The following SEMA5A variants were observed in gnomAD, a reference collection of about 807,000 sequenced individuals.
SEMA5A encodes the protein semaphorin-5A.
SEMA5A carries 55 observed loss-of-function variants against 135.5 expected under a neutral mutation model. The ratio of observed to expected loss-of-function variants is 0.41; its 90% CI spans 0.33 to 0.51. The LOEUF (loss-of-function observed/expected upper bound fraction) is 0.51. Among genes scored for constraint, SEMA5A ranks in the 20% least tolerant of loss-of-function variants. SEMA5A has a pLI of 0.37. For synonymous variants in SEMA5A, 580 were observed against 546.5 expected (o/e 1.06, Z -0.85); for missense variants, 1,290 against 1,419.9 (o/e 0.91, Z 1.47).
intron 1 of SEMA5A, among the ~76,000 whole-genome samples, chr5:9,484,593 G>A (rs1760005517): frequency 6.6e-6 from 1 of 152,188 alleles, no homozygotes; most frequent in Non-Finnish European, 1.5e-5. Flanking sequence ...CGATTGAAGT[G>A]TTGCTAATCA....
chr5:9,235,686 T>C (rs1047638667), intron 6 of SEMA5A, among the ~76,000 whole-genome samples: 1 of 150,204 alleles, frequency 6.7e-6, no homozygotes, highest in African/African-American at 2.4e-5. Flanking sequence ...GCATCAACAA[T>C]ATCTGCTGCT....
chr5:9,164,231 T>C (rs1420602863), intron 11 of SEMA5A, among the ~76,000 whole-genome samples: 1 of 143,738 alleles, frequency 7.0e-6, no homozygotes, highest in East Asian at 2.0e-4. Context: ...ATATAGCATA[T>C]AAATATTTAT....
In SEMA5A at chr5:9,197,295, A is replaced by G. The variant is rs749190956; in HGVS notation, c.941T>C (p.Ile314Thr). 6 of 1,610,974 alleles carry G rather than the reference A, an allele frequency of 3.7e-6. No homozygotes were observed. In the African/African-American group the frequency reaches 8.1e-5, roughly 22 times the overall value. ...GAAGACGCACACAGCTGAGGCCGCAATGCTGTTCCTGGGAGCGGAGGGAGA... is the reference window on the plus strand; with the variant it reads ...GAAGACGCACACAGCTGAGGCCGCAGTGCTGTTCCTGGGAGCGGAGGGAGA... Reference protein sequence around the residue: ...YGIFTTNVNSIAASAVCVFNL... With the variant: ...YGIFTTNVNSTAASAVCVFNL... The change falls in exon 10 of 23, where the codon ATT (isoleucine) becomes ACT (threonine). Residue 314 changes from isoleucine (I) to threonine (T), a missense_variant. Around this residue, in one of 3 missense-constraint regions of SEMA5A, gnomAD observed 1,029 missense variants for 1,086.6 expected, o/e 0.95. Coordinates refer to ENST00000382496, the MANE Select transcript of SEMA5A (RefSeq NM_003966.3).
At position 9,054,270 on chromosome 5, in the gene SEMA5A, A is replaced by T; in HGVS notation, c.2519-13T>A. 1.9e-6 allele frequency: 3 copies of T among 1,609,198 alleles called. No individual in the cohort carries two copies. The highest frequency in any genetic ancestry group is 2.5e-6 in the Non-Finnish European group (3 of 1,177,768). On this transcript the variant is annotated splice_polypyrimidine_tract_variant and intron_variant, in intron 18 of 22. Transcript: ENST00000382496. ...CACACGCCATCCACTGTGAAGAAAC[A>T]CAATGTCACAGCTCTTCTATAATCC...
chr5:9,293,479 C>A (rs1751186944), intron 5 of SEMA5A, among the ~76,000 whole-genome samples: 1 of 152,142 alleles, frequency 6.6e-6, no homozygotes, highest in Non-Finnish European at 1.5e-5. Flanking sequence ...AACTTTTGAA[C>A]ATGGAATGGT....
chr5:9,252,405 T>C (rs763169489), intron 5 of SEMA5A, among the ~76,000 whole-genome samples: 6 of 152,206 alleles, frequency 3.9e-5, no homozygotes, highest in African/African-American at 2.4e-5. Flanking sequence ...CAATTTTGTG[T>C]AATTATCCAA....
rs979559554 is a variant in SEMA5A, at chr5:9,220,594, C to T, written c.646+4080G>A. ...GGTATAGATGGGAATCCAAGAAAAG[C>T]GTGTGGAATGAGAAGAGTGGGCAGA... On this transcript the variant is annotated intron_variant, in intron 8 of 22. Transcript: ENST00000382496. 7.2e-5 allele frequency among the ~76,000 whole-genome samples: 11 copies of T among 152,100 alleles called. No individual in the cohort carries two copies. In the East Asian group the frequency reaches 7.7e-4, roughly 11 times the overall value.
intron 15 of SEMA5A, among the ~76,000 whole-genome samples, chr5:9,109,028 A>ATTTTTTTTTTTTTTTTTTTTTTTTTTTT: frequency 1.1e-5 from 1 of 92,446 alleles, no homozygotes; most frequent in Non-Finnish European, 2.0e-5. Flanking sequence ...TTTCTCTTCA[A>ATTTTTTTTTTTTTTTTTTTTTTTTTTTT]TTTTTTTTTT....
chr5:9,349,417 T>C (rs1754015088), intron 3 of SEMA5A, among the ~76,000 whole-genome samples: 1 of 152,130 alleles, frequency 6.6e-6, no homozygotes, highest in Non-Finnish European at 1.5e-5. Flanking sequence ...ACCTCTGCCT[T>C]CAAGACATTT....
At chr5:9,373,897 A>G (rs1049954906) in intron 3 of SEMA5A, among the ~76,000 whole-genome samples, 20 of 152,344 alleles carry the variant, frequency 1.3e-4, no homozygotes, top group African/African-American at 4.1e-4. Context: ...GTAAACTTTA[A>G]TCAATAAACA....
intron 2 of SEMA5A, among the ~76,000 whole-genome samples, chr5:9,383,704 C>T (rs1224874990): frequency 1.3e-5 from 2 of 152,224 alleles, no homozygotes; most frequent in Non-Finnish European, 1.5e-5. Flanking sequence ...TCTAAGCCAA[C>T]ATAGATTCCC....
chr5:9,118,992 A>T lies in SEMA5A; in HGVS notation c.1925+6T>A. 1 of 1,612,454 alleles carries T rather than the reference A, an allele frequency of 6.2e-7. No homozygotes were observed. Among genetic ancestry groups the T allele is most frequent in the Non-Finnish European group, 8.5e-7 (1 of 1,179,432 alleles). The stretch of plus-strand genomic sequence containing the variant: ...TGGCGGTGCTGGCAGCAGGGTGGGC[A>T]CGTACCTTTCCTCGCGGTTCTGTCC... On this transcript the variant is annotated splice_donor_region_variant and intron_variant, in intron 15 of 22. Coordinates refer to ENST00000382496, the MANE Select transcript of SEMA5A (RefSeq NM_003966.3).
intron 15 of SEMA5A, 40 bp downstream of exon 15, chr5:9,118,958 G>A (rs759884748): frequency 1.2e-6 from 2 of 1,604,628 alleles, no homozygotes; most frequent in Non-Finnish European, 1.7e-6. Flanking sequence ...ATGAGAGTAA[G>A]CGTGAGGCTG....
At chr5:9,421,129 C>CA (rs1410873134) in intron 2 of SEMA5A, among the ~76,000 whole-genome samples, 1 of 152,220 alleles carries the variant, frequency 6.6e-6, no homozygotes, top group African/African-American at 2.4e-5. Context: ...CCCCTACCCA[C>CA]ATAATCAGTG....
intron 2 of SEMA5A, among the ~76,000 whole-genome samples, chr5:9,409,308 C>A (rs1175603189): frequency 6.6e-6 from 1 of 152,214 alleles, no homozygotes; most frequent in Non-Finnish European, 1.5e-5. Context: ...AGTCTAATAT[C>A]GCACAGTGCA....
chr5:9,072,870 C>A (rs1737845379), intron 16 of SEMA5A, among the ~76,000 whole-genome samples: 1 of 152,070 alleles, frequency 6.6e-6, no homozygotes, highest in African/African-American at 2.4e-5. Flanking sequence ...AAAAACATGA[C>A]CCGTAATGAA....
chr5:9,351,857 G>A (rs1386298201), intron 3 of SEMA5A, among the ~76,000 whole-genome samples: 2 of 152,192 alleles, frequency 1.3e-5, no homozygotes, highest in Non-Finnish European at 2.9e-5. Context: ...TACTCTACTT[G>A]CATTGGCTTT....
At position 9,320,037 on chromosome 5, in the gene SEMA5A, C is replaced by T. The variant is rs574050557; in HGVS notation, c.225-1620G>A. 6.6e-5 allele frequency among the ~76,000 whole-genome samples: 10 copies of T among 152,272 alleles called. No homozygotes were observed. In the South Asian group the frequency reaches 8.3e-4, roughly 13 times the overall value. ...AGCTGAAGGATGAAAGAGGACTAGG[C>T]TCACATTCAGGTAGTCTCATGAGTC... On this transcript the variant is annotated intron_variant, in intron 4 of 22. Transcript: ENST00000382496.
At chr5:9,202,753 T>C (rs1745787675) in intron 8 of SEMA5A, among the ~76,000 whole-genome samples, 1 of 152,202 alleles carries the variant, frequency 6.6e-6, no homozygotes, top group East Asian at 1.9e-4. Flanking sequence ...ACGTTAAAAA[T>C]GTTTTCATTG....
Sources: gnomAD v4.1 joint callset for allele counts (sites outside exome capture counted in the v4.1 genomes callset) on GRCh38, gnomAD v4.1.1 for gene constraint, gnomAD v4.1.1 regional missense constraint, MANE v1.5 for transcripts, NCBI Gene and HGNC (gene_info 2026-07-23, HGNC 2026-07-21) for gene names.